Variants in CFHR3 observed in about 807,000 individuals in gnomAD.
CFHR3 encodes complement factor H related 3, also known as complement factor H-related protein 3.
CFHR3 carries 22 observed loss-of-function variants against 36.0 expected under a neutral mutation model. The observed-to-expected ratio is 0.61, with a 90% CI of 0.44 to 0.87. The LOEUF (loss-of-function observed/expected upper bound fraction) is 0.87. Ranked by LOEUF, CFHR3 falls within the 40% of genes least tolerant of loss-of-function variation. The pLI, the probability that CFHR3 is intolerant of heterozygous loss-of-function variation, is 0.00. For synonymous variants in CFHR3, 97 were observed against 137.4 expected, an observed-to-expected ratio of 0.71 and a Z score of 2.06; for missense variants, 276 against 401.3, an observed-to-expected ratio of 0.69 and a Z score of 2.67.
chr1:196,792,854 T>A lies in CFHR3; in HGVS notation c.797-463T>A, dbSNP rs184061203. 2.9e-5 allele frequency among the ~76,000 whole-genome samples: 4 copies of A among 137,540 alleles called. No individual in the cohort carries two copies. In the East Asian group the frequency reaches 7.8e-4, roughly 27 times the overall value. The allele number at this position is 137,540 out of a possible 152,430, so 90.2% of individuals were successfully genotyped here. A position where few individuals can be genotyped will look rare whatever the true frequency, so the allele number is the denominator to read the frequency against. ...TAGAAAGATTATACCTTTCTACAGT[T>A]CTGTTTCTACATTGTGGGCATAAGA... On this transcript the variant is annotated intron_variant, in intron 5 of 5. Coordinates refer to ENST00000367425, the MANE Select transcript of CFHR3 (RefSeq NM_021023.6).
Position 196,793,593 on chromosome 1 carries a change from T to A in CFHR3, c.*80T>A. On this transcript the variant is annotated 3_prime_UTR_variant, in exon 6 of 6. Transcript: ENST00000367425. The stretch of plus-strand genomic sequence containing the variant: ...CTTATGGTCTCAAAGCTTGCAAAGA[T>A]AGCTTCTGATATTGTTGTAATTTCT... The A allele has an allele frequency of 7.9e-7, 1 of 1,264,216 alleles. No individual in the cohort carries two copies. The highest frequency in any genetic ancestry group is 1.5e-5 in the South Asian group (1 of 68,414). The allele number at this position is 1,264,216 out of a possible 1,614,324, so 78.3% of individuals were successfully genotyped here.
chr1:196,791,786 G>GT, intron 5 of CFHR3, among the ~76,000 whole-genome samples: 1 of 135,382 alleles, frequency 7.4e-6, no homozygotes, highest in East Asian at 2.0e-4. Context: ...ATAGAAAAGT[G>GT]TTAGGTTTCA....
rs1377792283 is a variant in CFHR3 at position 196,778,700 on chromosome 1, C to G, written c.59-462C>G. On this transcript the variant is annotated intron_variant, in intron 1 of 5. Coordinates refer to ENST00000367425, the MANE Select transcript of CFHR3 (RefSeq NM_021023.6). ...ATTTCTGGAGATAATTGGTACATTT[C>G]TGATTTTTTTTAATGTTTAGAGTCA... 1.5e-5 allele frequency among the ~76,000 whole-genome samples: 2 copies of G among 136,202 alleles called. 1 individual carries two copies. Among genetic ancestry groups the G allele is most frequent in the African/African-American group, 6.1e-5 (2 of 32,558 alleles). 89.4% of individuals were successfully genotyped at this position (136,202 alleles called of 152,430 possible). A position where few individuals can be genotyped will look rare whatever the true frequency, so the allele number is the denominator to read the frequency against.
At position 196,775,523 on chromosome 1, in the gene CFHR3, C is replaced by T. The variant is rs1374010706; in HGVS notation, c.58+579C>T. On this transcript the variant is annotated intron_variant, in intron 1 of 5. Transcript: ENST00000367425. Reference sequence around the variant, plus strand: ...AATGAAAAAATAGAATATAAACTTACATTGGAAAGATAGTAAGTTTTGATT... The same window carrying T: ...AATGAAAAAATAGAATATAAACTTATATTGGAAAGATAGTAAGTTTTGATT... Among the ~76,000 whole-genome samples the T allele has an allele frequency of 1.2e-4, 17 of 137,140 alleles. 1 individual carries two copies. The allele number at this position is 137,140 out of a possible 152,430, so 90.0% of individuals were successfully genotyped here.
At position 196,788,579 on chromosome 1, in the gene CFHR3, T is replaced by C. The variant is rs543859200; in HGVS notation, c.613+181T>C. ...TTGCATGTTTAGAGTAATGGCTACTTGGGAAGATGATCATTTCATCTCTTA... is the reference window on the plus strand; with the variant it reads ...TTGCATGTTTAGAGTAATGGCTACTCGGGAAGATGATCATTTCATCTCTTA... On this transcript the variant is annotated intron_variant, in intron 4 of 5. Coordinates refer to ENST00000367425, the MANE Select transcript of CFHR3 (RefSeq NM_021023.6). Among the ~76,000 whole-genome samples, 4 of 137,488 alleles carry C rather than the reference T, an allele frequency of 2.9e-5. 1 individual carries two copies. In the South Asian group the frequency reaches 1.0e-3, roughly 35 times the overall value. The allele number at this position is 137,488 out of a possible 152,430, so 90.2% of individuals were successfully genotyped here.
Position 196,784,369 on chromosome 1 carries a change from C to T in CFHR3, c.431-3847C>T, listed in dbSNP as rs954433836. 8.1e-5 allele frequency among the ~76,000 whole-genome samples: 11 copies of T among 135,116 alleles called. 2 individuals carry two copies. The highest frequency in any genetic ancestry group is 5.3e-4 in the South Asian group (2 of 3,802). The allele number at this position is 135,116 out of a possible 152,430, so 88.6% of individuals were successfully genotyped here. A position where few individuals can be genotyped will look rare whatever the true frequency, so the allele number is the denominator to read the frequency against. On this transcript the variant is annotated intron_variant, in intron 3 of 5. Coordinates refer to ENST00000367425, the MANE Select transcript of CFHR3 (RefSeq NM_021023.6). ...TTCCTGGGTATCCTTGTTGACTTTC[C>T]ATCTCGTTGATCTGTCTAATGTTGA... is the stretch of plus-strand genomic sequence containing the variant.
rs1654076442 is a variant in CFHR3 at position 196,783,931 on chromosome 1, T to C, written c.430+3958T>C. 1.5e-5 allele frequency among the ~76,000 whole-genome samples: 2 copies of C among 135,552 alleles called. 1 individual carries two copies. The allele number at this position is 135,552 out of a possible 152,430, so 88.9% of individuals were successfully genotyped here. A position where few individuals can be genotyped will look rare whatever the true frequency, so the allele number is the denominator to read the frequency against. ...TTTGGATCTTTCCTGCTTTCTCTTGTGGGCATTTAGTGCTATAAATTTCCC... is the reference window on the plus strand; with the variant it reads ...TTTGGATCTTTCCTGCTTTCTCTTGCGGGCATTTAGTGCTATAAATTTCCC... On this transcript the variant is annotated intron_variant, in intron 3 of 5. Coordinates refer to ENST00000367425, the MANE Select transcript of CFHR3 (RefSeq NM_021023.6).
rs1267630371 is a variant in CFHR3, at chr1:196,788,819, A to T, written c.613+421A>T. The T allele has an allele frequency of 7.6e-5, 111 of 1,457,022 alleles. 19 individuals are homozygous for T. The highest frequency in any genetic ancestry group is 9.6e-5 in the Non-Finnish European group (106 of 1,100,042). The allele number at this position is 1,457,022 out of a possible 1,614,324, so 90.3% of individuals were successfully genotyped here. On this transcript the variant is annotated intron_variant, in intron 4 of 5. Transcript: ENST00000367425. ...GGGGAGAAATGAGTGCTTAATTCTGAATTTCTGCTAGCGTCAGGAGAATCA... is the reference window on the plus strand; with the variant it reads ...GGGGAGAAATGAGTGCTTAATTCTGTATTTCTGCTAGCGTCAGGAGAATCA...
chr1:196,791,628 A>G (rs1263275672), intron 5 of CFHR3, among the ~76,000 whole-genome samples: 1 of 130,678 alleles, frequency 7.7e-6, no homozygotes, highest in Non-Finnish European at 1.6e-5. Flanking sequence ...AATGGGCTAA[A>G]CCTTAATTAT....
At position 196,786,720 on chromosome 1, in the gene CFHR3, G is replaced by C. The variant is rs891007308; in HGVS notation, c.431-1496G>C. 8.8e-5 allele frequency among the ~76,000 whole-genome samples: 12 copies of C among 136,794 alleles called. 3 individuals carry two copies. Among genetic ancestry groups the C allele is most frequent in the Non-Finnish European group, 1.4e-4 (9 of 64,406 alleles). The allele number at this position is 136,794 out of a possible 152,430, so 89.7% of individuals were successfully genotyped here. A position where few individuals can be genotyped will look rare whatever the true frequency, so the allele number is the denominator to read the frequency against. On this transcript the variant is annotated intron_variant, in intron 3 of 5. Transcript: ENST00000367425. Reference sequence around the variant, plus strand: ...GGTGCCGTGTGTCACCCCTTTCTTTGACTAGGAAAGGGAACTCCCTGACCC... The same window carrying C: ...GGTGCCGTGTGTCACCCCTTTCTTTCACTAGGAAAGGGAACTCCCTGACCC...
At chr1:196,775,737 C>G (rs1653691478) in intron 1 of CFHR3, among the ~76,000 whole-genome samples, 3 of 136,514 alleles carry the variant, frequency 2.2e-5, no homozygotes, top group Admixed American at 2.1e-4. Flanking sequence ...CCACATGGGT[C>G]AAAAATCATG....
At chr1:196,778,350 T>G (rs1653814895) in intron 1 of CFHR3, among the ~76,000 whole-genome samples, 1 of 137,356 alleles carries the variant, frequency 7.3e-6, no homozygotes, top group South Asian at 2.5e-4. Context: ...CTCTCTGATT[T>G]ATGATGATTC....
chr1:196,785,606 G>T (rs1654165107), intron 3 of CFHR3, among the ~76,000 whole-genome samples: 2 of 136,834 alleles, frequency 1.5e-5, no homozygotes, highest in Admixed American at 1.4e-4. Flanking sequence ...CGGCTCCTGA[G>T]GCTTCTGTAT....
In CFHR3 at chr1:196,795,321, C is replaced by G. The variant is rs1654559288; in HGVS notation, c.*1808C>G. 7.3e-6 allele frequency: 1 copy of G among 136,942 alleles called. No homozygotes were observed. The highest frequency in any genetic ancestry group is 1.5e-5 in the Non-Finnish European group (1 of 64,634). 8.5% of individuals were successfully genotyped at this position (136,942 alleles called of 1,614,324 possible). On this transcript the variant is annotated 3_prime_UTR_variant, in exon 6 of 6. Transcript: ENST00000367425. Reference sequence around the variant, plus strand: ...TGCCACCATGTAAGATGTACCTTTGCTACTCATTCACCTTCTGTCATGATG... The same window carrying G: ...TGCCACCATGTAAGATGTACCTTTGGTACTCATTCACCTTCTGTCATGATG...
rs2124852753 is a variant in CFHR3, at chr1:196,784,922, G to C, written c.431-3294G>C. ...CTCGATGGTCTTTACATTTTGGCAT[G>C]ATTTTGCAGTGGCTGGTACCAGTTG... is the stretch of plus-strand genomic sequence containing the variant. On this transcript the variant is annotated intron_variant, in intron 3 of 5. Coordinates refer to ENST00000367425, the MANE Select transcript of CFHR3 (RefSeq NM_021023.6). 4.4e-5 allele frequency among the ~76,000 whole-genome samples: 6 copies of C among 137,352 alleles called. 2 individuals carry two copies. The Middle Eastern group carries it at 0.023, about 532-fold the overall frequency. 90.1% of individuals were successfully genotyped at this position (137,352 alleles called of 152,430 possible). A position where few individuals can be genotyped will look rare whatever the true frequency, so the allele number is the denominator to read the frequency against.
intron 5 of CFHR3, among the ~76,000 whole-genome samples, chr1:196,791,276 G>T (rs1347158542): frequency 7.4e-6 from 1 of 135,228 alleles, no homozygotes; most frequent in Non-Finnish European, 1.6e-5. Context: ...CCAGAATTTT[G>T]TCCCCCAAGT....
intron 3 of CFHR3, among the ~76,000 whole-genome samples, chr1:196,786,074 C>A (rs1489255200): frequency 1.5e-5 from 2 of 136,720 alleles, no homozygotes; most frequent in African/African-American, 6.1e-5. Context: ...CCACTCTAGA[C>A]CCTGTTTGCC....
At position 196,779,826 on chromosome 1, in the gene CFHR3, G is replaced by A. The variant is rs751553312; in HGVS notation, c.283G>A (p.Gly95Arg). The A allele has an allele frequency of 1.3e-6, 2 of 1,529,800 alleles. No homozygotes were observed. Among genetic ancestry groups the A allele is most frequent in the Non-Finnish European group, 1.8e-6 (2 of 1,131,254 alleles). 94.8% of individuals were successfully genotyped at this position (1,529,800 alleles called of 1,614,324 possible). A position where few individuals can be genotyped will look rare whatever the true frequency, so the allele number is the denominator to read the frequency against. ...RKCYFPYLEN[G>R]YNQNYGRKFV... ...ATGTTATTTTCCTTATTTGGAAAAT[G>A]GATATAATCAAAATTATGGAAGAAA... Residue 95 changes from glycine (G) to arginine (R), a missense_variant, in exon 3 of 6, where the codon GGA becomes AGA. Physicochemically the swap from Gly to Arg is moderately radical, Grantham distance 125. Around this residue, in one of 3 missense-constraint regions of CFHR3, gnomAD observed 178 missense variants for 247.2 expected, o/e 0.72. Transcript: ENST00000367425.
At chr1:196,783,999 T>G (rs543977187) in intron 3 of CFHR3, among the ~76,000 whole-genome samples, 3 of 136,838 alleles carry the variant, frequency 2.2e-5, no homozygotes, top group South Asian at 5.1e-4. Flanking sequence ...TCTGGTATGT[T>G]GTGTCTTTGT....
Sources: gnomAD v4.1 joint callset for allele counts (sites outside exome capture counted in the v4.1 genomes callset) on GRCh38, gnomAD v4.1.1 for gene constraint, gnomAD v4.1.1 regional missense constraint, MANE v1.5 for transcripts, NCBI Gene and HGNC (gene_info 2026-07-23, HGNC 2026-07-21) for gene names.